Variants in CERS3 observed in about 807,000 individuals in gnomAD.
CERS3 encodes the protein LAG1 homolog, ceramide synthase 3.
Under a neutral mutation model 50.3 loss-of-function variants are expected in CERS3, and 33 were observed. The observed-to-expected ratio is 0.66, with a 90% confidence interval of 0.50 to 0.88. CERS3 has a LOEUF of 0.88. Among genes scored for constraint, CERS3 ranks in the 40% least tolerant of loss-of-function variants. The pLI is 0.00. For synonymous variants in CERS3, 176 were observed against 155.2 expected, an observed-to-expected ratio of 1.13 and a Z score of -0.99; for missense variants, 470 against 460.3, an observed-to-expected ratio of 1.02 and a Z score of -0.19.
chr15:100,492,485 T>C (rs528048994), intron 3 of CERS3, among the ~76,000 whole-genome samples: 1 of 152,354 alleles, frequency 6.6e-6, no homozygotes, highest in South Asian at 2.1e-4. Context: ...TTCTGAAATC[T>C]ATTAAATTAC....
rs559928626 is a variant in CERS3 at position 100,455,831 on chromosome 15, T to G, written c.999+62A>C. ...ATGAATTAACTTGAACATTCAACAG[T>G]CCGGGCCTCACCATTAACCTGGCAA... On this transcript the variant is annotated intron_variant, in intron 11 of 11. Transcript: ENST00000679737. 8.9e-5 allele frequency: 96 copies of G among 1,078,196 alleles called. No individual in the cohort carries two copies. The African/African-American group carries it at 1.5e-3, about 16-fold the overall frequency. The allele number at this position is 1,078,196 out of a possible 1,614,324, so 66.8% of individuals were successfully genotyped here. A position where few individuals can be genotyped will look rare whatever the true frequency, so the allele number is the denominator to read the frequency against.
At chr15:100,503,867 G>A (rs1299693153) in intron 2 of CERS3, 3 of 415,956 alleles carry the variant, frequency 7.2e-6, no homozygotes, top group South Asian at 1.7e-5. Context: ...TGCAAATCGG[G>A]TAGAGGATAA....
upstream of CERS3, among the ~76,000 whole-genome samples, chr15:100,533,184 CT>C: frequency 6.6e-6 from 1 of 152,276 alleles, no homozygotes; most frequent in South Asian, 2.1e-4. Flanking sequence ...CCAGACTCAC[CT>C]GGGGGCCTCC....
chr15:100,458,285 CTTTG>C (rs1009003186), intron 10 of CERS3, among the ~76,000 whole-genome samples: 11 of 152,088 alleles, frequency 7.2e-5, no homozygotes, highest in African/African-American at 2.2e-4. Flanking sequence ...AGTTCAAGTT[CTTTG>C]TTTGAAAAAC....
At position 100,467,850 on chromosome 15, in the gene CERS3, T is replaced by TAGATAGATTAG. The variant is rs1555528324; in HGVS notation, c.845+1527_845+1528insCTAATCTATCT. ...ATATATATACGTGTATATATATATATATAGATAGATAGATAGATAGATAGA... is the reference window on the plus strand; with the variant it reads ...ATATATATACGTGTATATATATATATAGATAGATTAGATAGATAGATAGATAGATAGATAGA... On this transcript the variant is annotated intron_variant, in intron 10 of 11. Transcript: ENST00000679737. Among the ~76,000 whole-genome samples, 336 of 93,138 alleles carry TAGATAGATTAG rather than the reference T, an allele frequency of 3.6e-3. 10 individuals are homozygous for TAGATAGATTAG. Among genetic ancestry groups the TAGATAGATTAG allele is most frequent in the African/African-American group, 0.012 (311 of 26,814 alleles). 61.1% of individuals were successfully genotyped at this position (93,138 alleles called of 152,430 possible).
chr15:100,426,315 C>T (rs2032808542), intron 11 of CERS3, among the ~76,000 whole-genome samples: 1 of 152,160 alleles, frequency 6.6e-6, no homozygotes, highest in Admixed American at 6.5e-5. Flanking sequence ...AGGAGACATA[C>T]ATCAATATGA....
At chr15:100,406,308 C>T (rs1300501651) in intron 11 of CERS3, among the ~76,000 whole-genome samples, 1 of 152,196 alleles carries the variant, frequency 6.6e-6, no homozygotes, top group African/African-American at 2.4e-5. Context: ...TGTTTCTTCT[C>T]ACATCATTTT....
intron 10 of CERS3, among the ~76,000 whole-genome samples, chr15:100,459,677 T>G (rs1290875732): frequency 6.6e-6 from 1 of 152,192 alleles, no homozygotes; most frequent in Non-Finnish European, 1.5e-5. Context: ...CATTTTACAA[T>G]TTGGAATATA....
At position 100,477,389 on chromosome 15, in the gene CERS3, G is replaced by C. The variant is rs866445962; in HGVS notation, c.517-1211C>G. Among the ~76,000 whole-genome samples, 9 of 152,168 alleles carry C rather than the reference G, an allele frequency of 5.9e-5. No homozygotes were observed. The South Asian group carries it at 1.7e-3, about 28-fold the overall frequency. On this transcript the variant is annotated intron_variant, in intron 7 of 11. Transcript: ENST00000679737. ...GATAAGGCCATAAAAGAGTGAGACA[G>C]AGTTTCTGCTTTCTTCTATGACAGG...
intron 11 of CERS3, among the ~76,000 whole-genome samples, chr15:100,404,928 T>C (rs2030871636): frequency 6.6e-6 from 1 of 152,166 alleles, no homozygotes; most frequent in South Asian, 2.1e-4. Flanking sequence ...AGCAAATAAG[T>C]AAACTTTGAC....
chr15:100,413,672 T>G lies in CERS3; in HGVS notation c.1000-10807A>C, dbSNP rs534288531. On this transcript the variant is annotated intron_variant, in intron 11 of 11. Transcript: ENST00000679737. ...CTGATAATATTGTAAAAAAAGTTGG[T>G]GAGCATGTGGGGAAAAAGAAACACT... Among the ~76,000 whole-genome samples, 290 of 151,434 alleles carry G rather than the reference T, an allele frequency of 1.9e-3. 1 individual carries two copies. Among genetic ancestry groups the G allele is most frequent in the Non-Finnish European group, 3.6e-3 (242 of 67,908 alleles).
chr15:100,447,071 G>A (rs534021589), intron 11 of CERS3, among the ~76,000 whole-genome samples: 1 of 152,256 alleles, frequency 6.6e-6, no homozygotes, highest in East Asian at 1.9e-4. Flanking sequence ...TGTCTCTTGT[G>A]GAGCAAACCT....
chr15:100,518,676 T>G (rs1481159304), intron 2 of CERS3, among the ~76,000 whole-genome samples: 1 of 152,244 alleles, frequency 6.6e-6, no homozygotes, highest in Non-Finnish European at 1.5e-5. Flanking sequence ...GAGACGATAC[T>G]GTGCTAACAT....
At chr15:100,462,804 A>G (rs900554231) in intron 10 of CERS3, among the ~76,000 whole-genome samples, 8 of 152,236 alleles carry the variant, frequency 5.3e-5, no homozygotes, top group Non-Finnish European at 1.2e-4. Context: ...GCTAAATGCA[A>G]TACGTGATCT....
chr15:100,402,708 TC>T lies in CERS3; in HGVS notation c.*4del. ...CTGTGCCATGGGAGTCCTGTAGGCTTCCAGCTAATGGCCATGCTGGCCATTG... is the reference window on the plus strand; with the variant it reads ...CTGTGCCATGGGAGTCCTGTAGGCTTCAGCTAATGGCCATGCTGGCCATTG... On this transcript the variant is annotated 3_prime_UTR_variant, in exon 12 of 12. Coordinates refer to ENST00000679737, the MANE Select transcript of CERS3 (RefSeq NM_001378789.1). The T allele has an allele frequency of 6.2e-7, 1 of 1,613,612 alleles. No homozygotes were observed. The highest frequency in any genetic ancestry group is 8.5e-7 in the Non-Finnish European group (1 of 1,179,908).
intron 2 of CERS3, among the ~76,000 whole-genome samples, chr15:100,507,121 G>A (rs1004794429): frequency 6.6e-6 from 1 of 151,878 alleles, no homozygotes; most frequent in African/African-American, 2.4e-5. Flanking sequence ...TTGCATCCAC[G>A]AACCCCGAAA....
intron 4 of CERS3, among the ~76,000 whole-genome samples, chr15:100,487,294 A>T (rs1460241326): frequency 6.6e-6 from 1 of 152,248 alleles, no homozygotes; most frequent in Non-Finnish European, 1.5e-5. Context: ...TTAATGGTAC[A>T]AATAATAATA....
At chr15:100,543,718 C>T (rs1221458181) in intron 1 of CERS3, among the ~76,000 whole-genome samples, 4 of 151,992 alleles carry the variant, frequency 2.6e-5, no homozygotes, top group African/African-American at 4.8e-5. Context: ...TGAGTAGAGA[C>T]GGGGTTTCAC....
intron 1 of CERS3, among the ~76,000 whole-genome samples, chr15:100,524,933 T>G (rs893956278): frequency 1.3e-5 from 2 of 152,224 alleles, no homozygotes; most frequent in African/African-American, 4.8e-5. Flanking sequence ...AAATGGATTA[T>G]CACATATGAT....
Sources: allele counts gnomAD v4.1 joint callset (sites outside exome capture counted in the v4.1 genomes callset), GRCh38; gene constraint gnomAD v4.1.1; transcripts MANE v1.5; gene names NCBI Gene and HGNC (gene_info 2026-07-23, HGNC 2026-07-21).